IDH3B: variants seen among roughly 807,000 people sequenced by gnomAD.
IDH3B encodes the protein isocitrate dehydrogenase [NAD] subunit beta, mitochondrial.
IDH3B carries 40 observed loss-of-function variants against 47.5 expected under a neutral mutation model. The observed-to-expected ratio is 0.84, with a 90% CI of 0.65 to 1.10. The LOEUF (loss-of-function observed/expected upper bound fraction) is 1.10, where lower values mean the gene tolerates loss of function less well. Among genes scored for constraint, IDH3B ranks in the 50% least tolerant of loss-of-function variants. The probability of loss-of-function intolerance (pLI) is 0.00; values close to 1 mark genes in which losing one functional copy is unlikely to be tolerated. For synonymous variants in IDH3B, 185 were observed against 191.0 expected, an observed-to-expected ratio of 0.97 and a Z score of 0.26; for missense variants, 450 against 505.2, an observed-to-expected ratio of 0.89 and a Z score of 1.05.
In IDH3B at chr20:2,660,228, T is replaced by G. The variant is rs778946412; in HGVS notation, c.768+35A>C. ...TAAATTCCACTCCCCACCCTCCTCCTCCGCCCCATGAGTAGAGATGTGGGG... is the reference window on the plus strand; with the variant it reads ...TAAATTCCACTCCCCACCCTCCTCCGCCGCCCCATGAGTAGAGATGTGGGG... On this transcript the variant is annotated intron_variant, in intron 8 of 11. Transcript: ENST00000380843. The surrounding 1 kb of genome is among the most constrained non-coding windows in gnomAD (Gnocchi z 5.6). The G allele has an allele frequency of 2.5e-6, 4 of 1,613,782 alleles. No homozygotes were observed. The highest frequency in any genetic ancestry group is 1.7e-5 in the Admixed American group (1 of 59,990).
In IDH3B at chr20:2,660,182, G is replaced by A. The variant is rs1383413339; in HGVS notation, c.769-6C>T. 2.5e-6 allele frequency: 4 copies of A among 1,614,162 alleles called. No individual in the cohort carries two copies. The highest frequency in any genetic ancestry group is 1.3e-5 in the African/African-American group (1 of 75,024). The stretch of plus-strand genomic sequence containing the variant: ...TGGTAAGGATTCTGCACCAGCTAGA[G>A]GGTGAGATGCAGGCATGAAGTAAAT... On this transcript the variant is annotated splice_polypyrimidine_tract_variant and splice_region_variant and intron_variant, in intron 8 of 11. Coordinates refer to ENST00000380843, the MANE Select transcript of IDH3B (RefSeq NM_006899.5). The surrounding 1 kb of genome is among the most constrained non-coding windows in gnomAD (Gnocchi z 5.6).
intron 9 of IDH3B, 107 bp downstream of exon 9, chr20:2,659,923 G>A (rs971438444): frequency 8.0e-6 from 12 of 1,505,378 alleles, no homozygotes; most frequent in South Asian, 3.4e-5. Context: ...GGTGGGCAGC[G>A]TGGGGGAAGA....
chr20:2,658,563 C>T lies in IDH3B; in HGVS notation c.*188G>A. ...ATCATCATCCATGTGGCCTGGGCTC[C>T]ATCCTAACAATCCCCATCACCACCC... On this transcript the variant is annotated 3_prime_UTR_variant, in exon 12 of 12. Coordinates refer to ENST00000380843, the MANE Select transcript of IDH3B (RefSeq NM_006899.5). 6.2e-7 allele frequency: 1 copy of T among 1,612,872 alleles called. No individual in the cohort carries two copies. Among genetic ancestry groups the T allele is most frequent in the Non-Finnish European group, 8.5e-7 (1 of 1,179,442 alleles).
At chr20:2,664,094 C>T (rs1006631835) in intron 1 of IDH3B, 59 bp downstream of exon 1, 3 of 1,608,386 alleles carry the variant, frequency 1.9e-6, no homozygotes, top group Admixed American at 3.4e-5. Flanking sequence ...TTTAGGAAAC[C>T]CTAGGACAAA....
At position 2,660,912 on chromosome 20, in the gene IDH3B, A is replaced by G. The variant is rs137853020; in HGVS notation, c.395T>C (p.Leu132Pro). 3.1e-6 allele frequency: 5 copies of G among 1,614,066 alleles called. No homozygotes were observed. Among genetic ancestry groups the G allele is most frequent in the Middle Eastern group, 3.3e-4 (2 of 6,062 alleles). Residue 132 changes from leucine to proline, a missense_variant, in exon 5 of 12, where the codon CTG (leucine) becomes CCG (proline). Leu to Pro is a moderately conservative substitution (Grantham distance 98). Coordinates refer to ENST00000380843, the MANE Select transcript of IDH3B (RefSeq NM_006899.5). The surrounding 1 kb of genome is among the most constrained non-coding windows in gnomAD (Gnocchi z 5.6). ...KGELASYDMR[L>P]RRKLDLFANV... ...TCACCCCACCCAGACCACCTACCTC[A>G]GCCGCATATCATAGGAGGCTAGCTC...
chr20:2,663,083 C>T (rs187179294), intron 4 of IDH3B, among the ~76,000 whole-genome samples: 7 of 150,786 alleles, frequency 4.6e-5, no homozygotes, highest in Middle Eastern at 3.4e-3. Flanking sequence ...GCCGAGATCG[C>T]GCCACTGCAC....
chr20:2,662,086 G>A (rs941754163), intron 4 of IDH3B, among the ~76,000 whole-genome samples: 18 of 152,150 alleles, frequency 1.2e-4, no homozygotes, highest in African/African-American at 4.1e-4. Flanking sequence ...CCTTCAGAGG[G>A]AGCAGGGCCC....
chr20:2,663,606 A>C (rs1160193682), intron 3 of IDH3B, 40 bp from the exon 4 acceptor site: 3 of 1,614,160 alleles, frequency 1.9e-6, no homozygotes, highest in Non-Finnish European at 2.5e-6. Flanking sequence ...GTCAAGGCCA[A>C]GTCCTTTCCA....
chr20:2,658,552 G>A lies in IDH3B; in HGVS notation c.*199C>T. 6.2e-7 allele frequency: 1 copy of A among 1,613,380 alleles called. No homozygotes were observed. Among genetic ancestry groups the A allele is most frequent in the Non-Finnish European group, 8.5e-7 (1 of 1,179,694 alleles). ...GGGGGAGAATCATCATCATCCATGT[G>A]GCCTGGGCTCCATCCTAACAATCCC... On this transcript the variant is annotated 3_prime_UTR_variant, in exon 12 of 12. Coordinates refer to ENST00000380843, the MANE Select transcript of IDH3B (RefSeq NM_006899.5).
chr20:2,658,891 G>A (rs752373901), intron 11 of IDH3B, 54 bp from the exon 12 acceptor site: 35 of 1,611,230 alleles, frequency 2.2e-5, no homozygotes, highest in Non-Finnish European at 3.0e-5. Context: ...AGCCCATGAA[G>A]GGAGGTAGGG....
chr20:2,659,544 T>A lies in IDH3B; in HGVS notation c.1052A>T (p.Lys351Met). 11 of 1,614,208 alleles carry A rather than the reference T, an allele frequency of 6.8e-6. No individual in the cohort carries two copies. The highest frequency in any genetic ancestry group is 1.3e-5 in the African/African-American group (1 of 75,072). Reference protein sequence around the residue: ...HSSMIADAVKKVIKVGKVRTR... With the variant: ...HSSMIADAVKMVIKVGKVRTR... ...ACTCACCTTGCCAACTTTGATCACC[T>A]TCTTCACCGCATCTGCGATCATGCT... is the stretch of plus-strand genomic sequence containing the variant. Residue 351 changes from lysine to methionine, a missense_variant, in exon 11 of 12, where the codon AAG (lysine) becomes ATG (methionine). By Grantham distance (95) the Lys-to-Met change is moderately conservative. Coordinates refer to ENST00000380843, the MANE Select transcript of IDH3B (RefSeq NM_006899.5).
In IDH3B at chr20:2,658,924, G is replaced by T. The variant is rs6037255; in HGVS notation, c.1072-87C>A. On this transcript the variant is annotated intron_variant, in intron 11 of 11. Transcript: ENST00000380843. ...GGGCAATGTGATTGAGGAAATGGAA[G>T]CCAAGAATGCGTGACAGCCAGAAAA... 0.27 allele frequency: 434,294 copies of T among 1,587,328 alleles called. 61,332 individuals are homozygous for T. The highest frequency in any genetic ancestry group is 0.42 in the African/African-American group (30,838 of 74,030).
rs745922092 is a variant in IDH3B, at chr20:2,658,450, G to A, written c.*301C>T. On this transcript the variant is annotated 3_prime_UTR_variant, in exon 12 of 12. Coordinates refer to ENST00000380843, the MANE Select transcript of IDH3B (RefSeq NM_006899.5). The stretch of plus-strand genomic sequence containing the variant: ...ATGGGTATGGACAGGGCCTATGGGT[G>A]GGGCAAGGCAGCAATGACAGCCTCA... The A allele has an allele frequency of 1.9e-6, 3 of 1,614,094 alleles. No individual in the cohort carries two copies. Among genetic ancestry groups the A allele is most frequent in the Non-Finnish European group, 2.5e-6 (3 of 1,179,960 alleles).
At position 2,660,322 on chromosome 20, in the gene IDH3B, C is replaced by G. The variant is rs778864541; in HGVS notation, c.709G>C (p.Ala237Pro). Residue 237 changes from alanine to proline, a missense_variant, in exon 8 of 12, where the codon GCT becomes CCT. Transcript: ENST00000380843. This position sits in a 1 kb window ranked among gnomAD's most constrained non-coding sequence, Gnocchi z 5.6. ...GLFLQCCEEV[A>P]ELYPKIKFET... Reference sequence around the variant, plus strand: ...AATTTGATTTTGGGGTACAGTTCAGCAACTTCCTCACAGCACTGCAGGAAC... The same window carrying G: ...AATTTGATTTTGGGGTACAGTTCAGGAACTTCCTCACAGCACTGCAGGAAC... The G allele has an allele frequency of 6.2e-7, 1 of 1,614,128 alleles. No homozygotes were observed. Among genetic ancestry groups the G allele is most frequent in the South Asian group, 1.1e-5 (1 of 91,074 alleles).
Position 2,660,231 on chromosome 20 carries a change from G to A in IDH3B, c.768+32C>T, listed in dbSNP as rs770857030. The A allele has an allele frequency of 1.6e-5, 26 of 1,612,972 alleles. No individual in the cohort carries two copies. Among genetic ancestry groups the A allele is most frequent in the East Asian group, 4.5e-5 (2 of 44,876 alleles). ...ATTCCACTCCCCACCCTCCTCCTCC[G>A]CCCCATGAGTAGAGATGTGGGGAGG... On this transcript the variant is annotated intron_variant, in intron 8 of 11. Coordinates refer to ENST00000380843, the MANE Select transcript of IDH3B (RefSeq NM_006899.5). This position sits in a 1 kb window ranked among gnomAD's most constrained non-coding sequence, Gnocchi z 5.6.
rs767970629 is a variant in IDH3B at position 2,660,275 on chromosome 20, G to C, written c.756C>G (p.Asn252Lys). 8.7e-6 allele frequency: 14 copies of C among 1,614,000 alleles called. No individual in the cohort carries two copies. In the African/African-American group the frequency reaches 1.7e-4, roughly 20 times the overall value. The change falls in exon 8 of 12, where the codon AAC becomes AAG. Residue 252 changes from asparagine to lysine, a missense_variant. Transcript: ENST00000380843. This position sits in a 1 kb window ranked among gnomAD's most constrained non-coding sequence, Gnocchi z 5.6. ...KIKFETMIID[N>K]CCMQLVQNPY... ...GGGGAGGCCTCACCTGCATGCAGCA[G>C]TTGTCTATGATCATTGTCTCAAATT...
At chr20:2,661,304 C>T (rs1174772029) in intron 4 of IDH3B, among the ~76,000 whole-genome samples, 1 of 152,176 alleles carries the variant, frequency 6.6e-6, no homozygotes, top group East Asian at 1.9e-4. Flanking sequence ...TCAAGCAATT[C>T]TCCTGCCTCA....
At chr20:2,663,300 A>G in intron 4 of IDH3B, 146 bp downstream of exon 4, 1 of 1,016,762 alleles carries the variant, frequency 9.8e-7, no homozygotes, top group Non-Finnish European at 1.5e-6. Context: ...CTGGGCTCCC[A>G]ATGGGAAGGA....
Position 2,664,015 on chromosome 20 carries a change from G to A in IDH3B, c.37-10C>T, listed in dbSNP as rs1439993127. 6.2e-7 allele frequency: 1 copy of A among 1,613,882 alleles called. No homozygotes were observed. The highest frequency in any genetic ancestry group is 1.7e-5 in the Admixed American group (1 of 60,022). On this transcript the variant is annotated splice_polypyrimidine_tract_variant and intron_variant, in intron 1 of 11. Coordinates refer to ENST00000380843, the MANE Select transcript of IDH3B (RefSeq NM_006899.5). ...CGGCGGAGACCAGCGCCTGCAACAG[G>A]GACACACAAGCCTGTAAGGTCAGCT...
Sources: allele counts gnomAD v4.1 joint callset (sites outside exome capture counted in the v4.1 genomes callset), GRCh38; gene constraint gnomAD v4.1.1; non-coding constraint Gnocchi (gnomAD v3.1); transcripts MANE v1.5; gene names NCBI Gene and HGNC (gene_info 2026-07-23, HGNC 2026-07-21).